FBXO4: variants seen among roughly 807,000 people sequenced by gnomAD.
The protein encoded by FBXO4 is F-box only protein 4.
A neutral mutation model predicts 43.7 loss-of-function variants in FBXO4; 36 were observed. The observed-to-expected ratio is 0.82, with a 90% CI of 0.63 to 1.09. FBXO4 has a LOEUF of 1.09. Among genes scored for constraint, FBXO4 ranks in the 50% least tolerant of loss-of-function variants. The pLI is 0.00. For synonymous variants in FBXO4, 180 were observed against 165.6 expected, an observed-to-expected ratio of 1.09 and a Z score of -0.67; for missense variants, 435 against 474.1, an observed-to-expected ratio of 0.92 and a Z score of 0.77.
the FBXO4 span, among the ~76,000 whole-genome samples, chr5:41,949,867 A>G: frequency 6.6e-6 from 1 of 152,202 alleles, no homozygotes; most frequent in African/African-American, 2.4e-5. Context: ...CAAAACAGAT[A>G]TATAGACCAA....
At chr5:41,964,302 A>C in the FBXO4 span, among the ~76,000 whole-genome samples, 2 of 152,118 alleles carry the variant, frequency 1.3e-5, no homozygotes, top group Non-Finnish European at 2.9e-5. Context: ...ATGCAAAAAG[A>C]GATTGATTTT....
the FBXO4 span, among the ~76,000 whole-genome samples, chr5:41,965,483 C>T: frequency 6.6e-6 from 1 of 152,142 alleles, no homozygotes; most frequent in African/African-American, 2.4e-5. Context: ...GCAGTATGGC[C>T]ACTTTAACTA....
the FBXO4 span, among the ~76,000 whole-genome samples, chr5:41,977,504 G>C: frequency 1.3e-5 from 2 of 152,216 alleles, no homozygotes; most frequent in Non-Finnish European, 2.9e-5. Context: ...TCACTGTTAA[G>C]TTCAAACTGC....
At chr5:42,039,698 G>T in the FBXO4 span, among the ~76,000 whole-genome samples, 1 of 152,078 alleles carries the variant, frequency 6.6e-6, no homozygotes, top group African/African-American at 2.4e-5. Context: ...AAAGAGATGG[G>T]ATAGTACTTC....
At chr5:41,963,597 A>T in the FBXO4 span, among the ~76,000 whole-genome samples, 2 of 152,196 alleles carry the variant, frequency 1.3e-5, no homozygotes, top group African/African-American at 4.8e-5. Flanking sequence ...TCTTACAATT[A>T]AAAAACTAGA....
the FBXO4 span, among the ~76,000 whole-genome samples, chr5:41,968,949 T>C: frequency 6.6e-6 from 1 of 152,242 alleles, no homozygotes; most frequent in Non-Finnish European, 1.5e-5. Context: ...TCAGTTTTTA[T>C]CTTCTAGATA....
chr5:41,989,330 G>T, the FBXO4 span, among the ~76,000 whole-genome samples: 6 of 152,048 alleles, frequency 3.9e-5, no homozygotes, highest in African/African-American at 1.4e-4. Flanking sequence ...ATGTAATTAA[G>T]TTTACAGTAG....
chr5:42,036,589 G>A, the FBXO4 span, among the ~76,000 whole-genome samples: 2 of 152,188 alleles, frequency 1.3e-5, no homozygotes, highest in Admixed American at 6.6e-5. Flanking sequence ...TTTGAGTAGC[G>A]TTGTTTGCAT....
chr5:42,023,996 C>G, the FBXO4 span, among the ~76,000 whole-genome samples: 2 of 151,958 alleles, frequency 1.3e-5, no homozygotes, highest in South Asian at 4.1e-4. Flanking sequence ...ACCCTTTGCT[C>G]TGAACTTTGG....
chr5:41,950,956 A>G, the FBXO4 span, among the ~76,000 whole-genome samples: 1 of 152,178 alleles, frequency 6.6e-6, no homozygotes, highest in Non-Finnish European at 1.5e-5. Flanking sequence ...GCAAACTAAC[A>G]CAAGAACAGA....
At chr5:42,022,029 T>C in the FBXO4 span, among the ~76,000 whole-genome samples, 1,301 of 152,266 alleles carry the variant, frequency 8.5e-3, 23 homozygotes, top group African/African-American at 0.029. Flanking sequence ...TGGGTTAATT[T>C]TGGAAACACT....
At chr5:41,978,169 C>A in the FBXO4 span, among the ~76,000 whole-genome samples, 1 of 152,210 alleles carries the variant, frequency 6.6e-6, no homozygotes, top group East Asian at 1.9e-4. Context: ...AGATGCCATG[C>A]TCTTTTAAAC....
At chr5:42,033,018 A>G in the FBXO4 span, among the ~76,000 whole-genome samples, 2,441 of 152,244 alleles carry the variant, frequency 0.016, 123 homozygotes, top group East Asian at 0.1. Context: ...GGTTGTGCTA[A>G]AAATGCCTGG....
chr5:42,013,433 G>C, the FBXO4 span, among the ~76,000 whole-genome samples: 1 of 152,116 alleles, frequency 6.6e-6, no homozygotes. Flanking sequence ...CCACTCAAAT[G>C]GTCTTATTGG....
At chr5:41,984,696 A>C in the FBXO4 span, among the ~76,000 whole-genome samples, 1 of 152,188 alleles carries the variant, frequency 6.6e-6, no homozygotes, top group Non-Finnish European at 1.5e-5. Flanking sequence ...TTTTTGGCAG[A>C]GATGGGGTTT....
chr5:42,021,056 T>C, the FBXO4 span, among the ~76,000 whole-genome samples: 3 of 152,278 alleles, frequency 2.0e-5, no homozygotes, highest in South Asian at 6.2e-4. Context: ...CACAGGGTCC[T>C]GTAGGTCACA....
chr5:42,008,684 T>G, the FBXO4 span, among the ~76,000 whole-genome samples: 4 of 152,202 alleles, frequency 2.6e-5, no homozygotes, highest in Non-Finnish European at 4.4e-5. Flanking sequence ...TTTAATTATT[T>G]AATCATTAAT....
At chr5:41,980,181 G>A in the FBXO4 span, among the ~76,000 whole-genome samples, 2 of 152,114 alleles carry the variant, frequency 1.3e-5, no homozygotes, top group Admixed American at 1.3e-4. Context: ...TGGCGGGTAT[G>A]TGTTAAATAA....
the FBXO4 span, among the ~76,000 whole-genome samples, chr5:41,957,506 T>C: frequency 0.019 from 2,915 of 149,546 alleles, 44 homozygotes; most frequent in Non-Finnish European, 0.032. Flanking sequence ...CTTGCTCTGA[T>C]TATTAGTATG....
Sources: allele counts gnomAD v4.1 joint callset (sites outside exome capture counted in the v4.1 genomes callset), GRCh38; gene constraint gnomAD v4.1.1; transcripts MANE v1.5; gene names NCBI Gene and HGNC (gene_info 2026-07-23, HGNC 2026-07-21).